ATRX: variants seen among roughly 807,000 people sequenced by gnomAD.
ATRX encodes ATRX chromatin remodeler, also known as chromatin remodeler ATRX.
Under a neutral mutation model 172.6 loss-of-function variants are expected in ATRX, and 12 were observed. The ratio of observed to expected loss-of-function variants is 0.07; its 90% CI spans 0.04 to 0.11. ATRX has a LOEUF of 0.11. Ranked by LOEUF, ATRX falls within the 10% of genes least tolerant of loss-of-function variation. ATRX has a pLI of 1.00. For synonymous variants in ATRX, 674 were observed against 594.7 expected (o/e 1.13, Z -1.94); for missense variants, 1,368 against 1,767.4 (o/e 0.77, Z 4.05).
chrX:77,598,651 T>C (rs2066555375), intron 25 of ATRX, among the ~76,000 whole-genome samples: 1 of 111,447 alleles, frequency 9.0e-6, no homozygotes, highest in Admixed American at 9.6e-5. Flanking sequence ...ATCTGCTATT[T>C]CAAATAGGCA....
chrX:77,771,801 G>A (rs1216777763), intron 1 of ATRX, among the ~76,000 whole-genome samples: 2 of 111,132 alleles, frequency 1.8e-5, no homozygotes, highest in Non-Finnish European at 3.8e-5. Flanking sequence ...CGCCCACAGG[G>A]AACATCTGGC....
At chrX:77,641,446 T>G (rs2068650526) in intron 15 of ATRX, among the ~76,000 whole-genome samples, 1 of 109,790 alleles carries the variant, frequency 9.1e-6, no homozygotes, top group Non-Finnish European at 1.9e-5. Context: ...CTGGGCATGG[T>G]GGCACACGCC....
intron 2 of ATRX, among the ~76,000 whole-genome samples, chrX:77,704,959 G>A (rs1252679434): frequency 9.0e-6 from 1 of 110,538 alleles, no homozygotes; most frequent in Admixed American, 9.5e-5. Flanking sequence ...CATAAAGCAG[G>A]AGGCCCAGGT....
At chrX:77,548,393 A>G (rs1374646082) in intron 30 of ATRX, among the ~76,000 whole-genome samples, 1 of 111,733 alleles carries the variant, frequency 8.9e-6, no homozygotes, top group Non-Finnish European at 1.9e-5. Context: ...TTAAACAAAA[A>G]AATCCAAAAC....
intron 1 of ATRX, among the ~76,000 whole-genome samples, chrX:77,754,224 A>G (rs1356904439): frequency 1.8e-5 from 2 of 109,844 alleles, no homozygotes; most frequent in Non-Finnish European, 3.8e-5. Context: ...TTTTGAGCCT[A>G]TGTGTGTCTT....
chrX:77,694,761 T>A (rs782234885), intron 5 of ATRX, among the ~76,000 whole-genome samples: 1 of 109,257 alleles, frequency 9.2e-6, no homozygotes, highest in African/African-American at 3.3e-5. Context: ...TAACTGGCTA[T>A]CATTGGCAAC....
At chrX:77,582,202 C>A (rs1025241437) in intron 27 of ATRX, among the ~76,000 whole-genome samples, 1 of 109,965 alleles carries the variant, frequency 9.1e-6, no homozygotes, top group African/African-American at 3.3e-5. Context: ...GAGTTTGAGA[C>A]CAGCCTGGCC....
chrX:77,767,985 A>T (rs1471629076), intron 1 of ATRX, among the ~76,000 whole-genome samples: 1 of 111,936 alleles, frequency 8.9e-6, no homozygotes, highest in Non-Finnish European at 1.9e-5. Context: ...ACTAAAAAAT[A>T]TCACTACAGA....
chrX:77,707,922 T>C (rs1049202397), intron 2 of ATRX, among the ~76,000 whole-genome samples: 2 of 112,322 alleles, frequency 1.8e-5, no homozygotes, highest in Non-Finnish European at 3.8e-5. Flanking sequence ...AAAAAGTCTG[T>C]TATTAACAAT....
intron 2 of ATRX, among the ~76,000 whole-genome samples, chrX:77,710,004 A>G (rs1328446365): frequency 2.7e-5 from 3 of 111,440 alleles, no homozygotes; most frequent in Non-Finnish European, 5.6e-5. Context: ...ATGGTTAAAC[A>G]AACTGTGGTA....
intron 2 of ATRX, among the ~76,000 whole-genome samples, chrX:77,715,895 T>C (rs782642188): frequency 1.1e-4 from 12 of 110,732 alleles, no homozygotes; most frequent in African/African-American, 3.3e-4. Context: ...TTTGTACATA[T>C]TGTGTGTGTC....
intron 33 of ATRX, 89 bp from the exon 34 acceptor site, chrX:77,521,005 G>C (rs1246154649): frequency 2.1e-6 from 2 of 952,031 alleles, no homozygotes; most frequent in African/African-American, 1.9e-5. Flanking sequence ...GATTTCCCAA[G>C]GTTTCAAACC....
chrX:77,596,433 GA>G (rs1384160737), intron 25 of ATRX: 1 of 68,415 alleles, frequency 1.5e-5, no homozygotes, highest in Non-Finnish European at 3.9e-5. Flanking sequence ...TAGATGCAAA[GA>G]AAAAAATAAA....
At chrX:77,532,732 G>C (rs186479572) in intron 30 of ATRX, among the ~76,000 whole-genome samples, 1 of 111,766 alleles carries the variant, frequency 8.9e-6, no homozygotes, top group Admixed American at 9.5e-5. Context: ...TATAGGCATG[G>C]GCAAAGATTT....
chrX:77,651,133 C>T (rs1557116527), intron 15 of ATRX, among the ~76,000 whole-genome samples: 1 of 95,305 alleles, frequency 1.0e-5, no homozygotes, highest in Admixed American at 1.3e-4. Context: ...AGGAGAATCA[C>T]TTGAACCCAG....
chrX:77,517,857 A>G (rs1557039686), intron 34 of ATRX, among the ~76,000 whole-genome samples: 1 of 112,385 alleles, frequency 8.9e-6, no homozygotes, highest in Non-Finnish European at 1.9e-5. Context: ...GGCTTCAAGG[A>G]TGATTTAACT....
At chrX:77,651,982 C>G (rs1240373339) in intron 15 of ATRX, 132 bp downstream of exon 15, 1 of 604,317 alleles carries the variant, frequency 1.7e-6, no homozygotes, top group Non-Finnish European at 2.7e-6. Flanking sequence ...TGTTGACTCA[C>G]GCCTGTAATC....
At chrX:77,659,153 G>A (rs1288337499) in intron 12 of ATRX, among the ~76,000 whole-genome samples, 60 of 110,839 alleles carry the variant, frequency 5.4e-4, no homozygotes, top group Non-Finnish European at 3.4e-4. Context: ...GTATAAAAAT[G>A]TGAATGTACT....
intron 28 of ATRX, among the ~76,000 whole-genome samples, chrX:77,560,738 A>C (rs2064989926): frequency 1.8e-5 from 2 of 111,552 alleles, no homozygotes; most frequent in Admixed American, 1.9e-4. Context: ...CTAAAGAAAA[A>C]TCCTGGTATA....
Sources: allele counts gnomAD v4.1 joint callset (sites outside exome capture counted in the v4.1 genomes callset), GRCh38; gene constraint gnomAD v4.1.1; transcripts MANE v1.5; gene names NCBI Gene and HGNC (gene_info 2026-07-23, HGNC 2026-07-21).